ALPK1: variants seen among roughly 807,000 people sequenced by gnomAD.
ALPK1 encodes the protein alpha-protein kinase 1.
ALPK1 carries 110 observed loss-of-function variants against 120.6 expected under a neutral mutation model. That is an observed-to-expected ratio of 0.91 (90% CI 0.78 to 1.07). The LOEUF (loss-of-function observed/expected upper bound fraction) is 1.07. ALPK1 is among the 50% of genes least tolerant of loss of function. ALPK1 has a pLI of 0.00. For synonymous variants in ALPK1, 582 were observed against 560.3 expected, an observed-to-expected ratio of 1.04 and a Z score of -0.55; for missense variants, 1,498 against 1,483.9, an observed-to-expected ratio of 1.01 and a Z score of -0.16.
intron 2 of ALPK1, chr4:112,356,706 A>G: frequency 1.0e-6 from 1 of 971,920 alleles, no homozygotes; most frequent in Non-Finnish European, 1.6e-6. Flanking sequence ...CCCATCCTGG[A>G]CATCGAGGAC....
intron 2 of ALPK1, among the ~76,000 whole-genome samples, chr4:112,340,217 G>C (rs979766260): frequency 6.6e-6 from 1 of 152,252 alleles, no homozygotes; most frequent in Non-Finnish European, 1.5e-5. Flanking sequence ...GCCTTAGTGC[G>C]CTGGGAGCAT....
intron 2 of ALPK1, among the ~76,000 whole-genome samples, chr4:112,370,684 G>A (rs1731366371): frequency 6.6e-6 from 1 of 152,136 alleles, no homozygotes; most frequent in Non-Finnish European, 1.5e-5. Flanking sequence ...CTGGACAGAT[G>A]GTTGGATTCC....
At chr4:112,304,701 G>T (rs1194559163) in intron 1 of ALPK1, among the ~76,000 whole-genome samples, 8 of 152,030 alleles carry the variant, frequency 5.3e-5, no homozygotes, top group African/African-American at 1.5e-4. Flanking sequence ...TCTGTAGGTT[G>T]CCTGTTCACT....
intron 4 of ALPK1, among the ~76,000 whole-genome samples, chr4:112,408,177 G>T (rs1578545784): frequency 6.6e-6 from 1 of 152,168 alleles, no homozygotes; most frequent in East Asian, 1.9e-4. Context: ...ACATCAAAAA[G>T]AGGGCATTCA....
chr4:112,299,639 C>G (rs781720114), intron 1 of ALPK1, among the ~76,000 whole-genome samples: 4 of 152,096 alleles, frequency 2.6e-5, no homozygotes, highest in Non-Finnish European at 5.9e-5. Context: ...AGTGCAGTAT[C>G]TTTGAATTTT....
chr4:112,403,333 G>GT (rs1489749274), intron 4 of ALPK1, among the ~76,000 whole-genome samples: 1 of 152,146 alleles, frequency 6.6e-6, no homozygotes, highest in East Asian at 1.9e-4. Context: ...CAGAGTGCTG[G>GT]TAGAAACACG....
At chr4:112,420,048 A>T (rs1337161099) in intron 5 of ALPK1, among the ~76,000 whole-genome samples, 1 of 152,192 alleles carries the variant, frequency 6.6e-6, no homozygotes, top group Non-Finnish European at 1.5e-5. Flanking sequence ...GCACAATTCA[A>T]ACATGTATTT....
Position 112,431,954 on chromosome 4 carries a change from C to G in ALPK1, c.2407C>G (p.His803Asp). Residue 803 changes from histidine to aspartate, a missense_variant, in exon 11 of 16, where the codon CAC becomes GAC. Coordinates refer to ENST00000650871, the MANE Select transcript of ALPK1 (RefSeq NM_025144.4). The part of the protein sequence containing the change: ...ESTEDAPLDF[H>D]RVLHNSLGNI... ...CACTGAAGATGCACCCTTAGACTTT[C>G]ACAGGGTCCTGCACAATTCTCTGGG... 6.2e-7 allele frequency: 1 copy of G among 1,614,152 alleles called. No individual in the cohort carries two copies. Among genetic ancestry groups the G allele is most frequent in the Non-Finnish European group, 8.5e-7 (1 of 1,180,054 alleles).
chr4:112,378,405 C>T (rs945342677), intron 3 of ALPK1, among the ~76,000 whole-genome samples: 2 of 152,140 alleles, frequency 1.3e-5, no homozygotes, highest in Non-Finnish European at 2.9e-5. Flanking sequence ...TCTCTCATCT[C>T]GATAAATACT....
chr4:112,370,394 T>G (rs749028632), intron 2 of ALPK1, among the ~76,000 whole-genome samples: 39 of 152,092 alleles, frequency 2.6e-4, no homozygotes, highest in Non-Finnish European at 4.4e-5. Context: ...CCCTTTCTAT[T>G]TGATTTTTAA....
At chr4:112,348,624 C>A (rs895755937) in intron 2 of ALPK1, among the ~76,000 whole-genome samples, 1 of 152,162 alleles carries the variant, frequency 6.6e-6, no homozygotes, top group Admixed American at 6.5e-5. Flanking sequence ...GACATCCAGG[C>A]GGTTCTCCGT....
At chr4:112,389,634 C>T (rs1307239977) in intron 4 of ALPK1, among the ~76,000 whole-genome samples, 1 of 152,142 alleles carries the variant, frequency 6.6e-6, no homozygotes, top group African/African-American at 2.4e-5. Flanking sequence ...ATGTGGTGAC[C>T]GGTTGGACAG....
At chr4:112,305,126 A>G (rs1056975059) in intron 1 of ALPK1, among the ~76,000 whole-genome samples, 8 of 152,064 alleles carry the variant, frequency 5.3e-5, no homozygotes, top group African/African-American at 1.9e-4. Flanking sequence ...TTTTGGTACC[A>G]GTACCATGCT....
At chr4:112,393,890 T>A (rs1158666528) in intron 4 of ALPK1, among the ~76,000 whole-genome samples, 2 of 152,080 alleles carry the variant, frequency 1.3e-5, no homozygotes, top group African/African-American at 4.8e-5. Context: ...ATTTTTTAGA[T>A]CATTTTAGCC....
rs115289301 is a variant in ALPK1, at chr4:112,314,781, A to T, written c.-152-1020A>T. On this transcript the variant is annotated intron_variant, in intron 1 of 15. Transcript: ENST00000650871. ...TAAGAACAGGAGACCTCGACCTAGGATGGTGGTTTAGGGGCTGTAGGAGAA... is the reference window on the plus strand; with the variant it reads ...TAAGAACAGGAGACCTCGACCTAGGTTGGTGGTTTAGGGGCTGTAGGAGAA... Among the ~76,000 whole-genome samples the T allele has an allele frequency of 4.4e-3, 656 of 149,112 alleles. 3 individuals are homozygous for T. The highest frequency in any genetic ancestry group is 0.015 in the African/African-American group (622 of 40,890).
intron 1 of ALPK1, among the ~76,000 whole-genome samples, chr4:112,297,997 C>CT (rs1283538160): frequency 6.6e-6 from 1 of 152,144 alleles, no homozygotes; most frequent in Non-Finnish European, 1.5e-5. Flanking sequence ...GACGGGAATT[C>CT]TGAGTGCGTG....
rs555488916 is a variant in ALPK1 at position 112,359,331 on chromosome 4, G to A, written c.-100-18347G>A. ...TACAGGCTGTAGCCAGCTCTTGGCAGTGCTGACAGCCTACAAGCAGGATGA... is the reference window on the plus strand; with the variant it reads ...TACAGGCTGTAGCCAGCTCTTGGCAATGCTGACAGCCTACAAGCAGGATGA... On this transcript the variant is annotated intron_variant, in intron 2 of 15. Coordinates refer to ENST00000650871, the MANE Select transcript of ALPK1 (RefSeq NM_025144.4). 7 of 406,074 alleles carry A rather than the reference G, an allele frequency of 1.7e-5. No individual in the cohort carries two copies. In the Admixed American group the frequency reaches 2.1e-4, roughly 12 times the overall value. 25.2% of individuals were successfully genotyped at this position (406,074 alleles called of 1,614,324 possible). A position where few individuals can be genotyped will look rare whatever the true frequency, so the allele number is the denominator to read the frequency against.
chr4:112,353,484 A>G (rs1730455199), intron 2 of ALPK1, among the ~76,000 whole-genome samples: 1 of 152,204 alleles, frequency 6.6e-6, no homozygotes, highest in African/African-American at 2.4e-5. Flanking sequence ...ATAATGCCAA[A>G]CTGTAGGTTC....
chr4:112,318,805 A>G lies in ALPK1; in HGVS notation c.-101+2953A>G, dbSNP rs76319961. Among the ~76,000 whole-genome samples the G allele has an allele frequency of 4.2e-3, 644 of 152,358 alleles. 6 individuals carry two copies. The highest frequency in any genetic ancestry group is 0.014 in the African/African-American group (592 of 41,598). On this transcript the variant is annotated intron_variant, in intron 2 of 15. Coordinates refer to ENST00000650871, the MANE Select transcript of ALPK1 (RefSeq NM_025144.4). ...AGTCACAGTCTACTGGGAGACAGTT[A>G]AGAAACTGAATTATGACAGAGCATG...
Sources: allele counts gnomAD v4.1 joint callset (sites outside exome capture counted in the v4.1 genomes callset), GRCh38; gene constraint gnomAD v4.1.1; transcripts MANE v1.5; gene names NCBI Gene and HGNC (gene_info 2026-07-23, HGNC 2026-07-21).